NPSR1: variants seen among roughly 807,000 people sequenced by gnomAD.
The protein encoded by NPSR1 is neuropeptide S receptor.
NPSR1 carries 48 observed loss-of-function variants against 46.9 expected under a neutral mutation model. That is an observed-to-expected ratio of 1.02 (90% CI 0.81 to 1.30). The LOEUF is 1.30. NPSR1 is among the 50% of genes most tolerant of loss of function. The pLI is 0.00. For missense variants in NPSR1, 450 were observed against 449.5 expected (o/e 1.00, Z -0.01); for synonymous variants, 176 against 168.1 (o/e 1.05, Z -0.36).
At chr7:34,850,297 G>A (rs1790893811), downstream of NPSR1, among the ~76,000 whole-genome samples, 1 of 152,140 alleles carries the variant, frequency 6.6e-6, no homozygotes, top group African/African-American at 2.4e-5. Flanking sequence ...TGAAATGAAG[G>A]GATACTGGTT....
At chr7:34,743,631 G>A (rs1332103728) in intron 2 of NPSR1, among the ~76,000 whole-genome samples, 1 of 151,924 alleles carries the variant, frequency 6.6e-6, no homozygotes, top group African/African-American at 2.4e-5. Flanking sequence ...GTACAGACGG[G>A]GTTTAACCAT....
intron 2 of NPSR1, chr7:34,710,977 G>T: frequency 2.8e-6 from 1 of 354,988 alleles, no homozygotes; most frequent in East Asian, 7.4e-5. Context: ...TGGCTAGGAT[G>T]GCAAGAAAAG....
At chr7:34,864,840 T>G (rs749386694) in intron 8 of NPSR1, among the ~76,000 whole-genome samples, 26 of 151,974 alleles carry the variant, frequency 1.7e-4, no homozygotes, top group Admixed American at 3.3e-4. Context: ...CTGGAACTGG[T>G]CTTCCCCACT....
chr7:34,694,200 G>A (rs1793402644), intron 2 of NPSR1, among the ~76,000 whole-genome samples: 1 of 152,078 alleles, frequency 6.6e-6, no homozygotes, highest in African/African-American at 2.4e-5. Context: ...AGAAAAAAAA[G>A]TCAAATTACC....
At chr7:34,812,444 G>T (rs1043940075) in intron 4 of NPSR1, among the ~76,000 whole-genome samples, 2 of 152,184 alleles carry the variant, frequency 1.3e-5, no homozygotes, top group Admixed American at 1.3e-4. Flanking sequence ...CCTAGGAGAT[G>T]CTGAAGTGGG....
chr7:34,766,234 C>T (rs67897777), intron 2 of NPSR1, among the ~76,000 whole-genome samples: 17,478 of 152,136 alleles, frequency 0.11, 1,158 homozygotes, highest in Middle Eastern at 0.17. Context: ...CAGTCTCTCT[C>T]ATACATTGTT....
Position 34,844,886 on chromosome 7 carries a change from G to C in NPSR1, c.758-10G>C, listed in dbSNP as rs1240735222. ...CACTTCATCTTACTATTCCCCTCTT[G>C]TATCTACAGATGGGAAACTGTGCAG... On this transcript the variant is annotated splice_polypyrimidine_tract_variant and intron_variant, in intron 6 of 8. Transcript: ENST00000360581. The C allele has an allele frequency of 2.6e-6, 4 of 1,542,544 alleles. No homozygotes were observed. The African/African-American group carries it at 4.1e-5, about 16-fold the overall frequency.
At chr7:34,826,043 C>T (rs536600520) in intron 4 of NPSR1, among the ~76,000 whole-genome samples, 111 of 152,154 alleles carry the variant, frequency 7.3e-4, no homozygotes, top group African/African-American at 2.6e-3. Context: ...ATTAAATTGA[C>T]CAATGTTTAC....
At chr7:34,750,278 C>CAGA (rs1785452705) in intron 2 of NPSR1, 2 of 683,046 alleles carry the variant, frequency 2.9e-6, no homozygotes, top group African/African-American at 3.5e-5. Context: ...AGCTGATGCT[C>CAGA]TGAGAATGGG....
chr7:34,823,397 C>CAAAAAAAA (rs1424522495), intron 4 of NPSR1, among the ~76,000 whole-genome samples: 1 of 26,218 alleles, frequency 3.8e-5, no homozygotes, highest in Non-Finnish European at 8.1e-5. Context: ...AAGACTTCAC[C>CAAAAAAAA]AGAAAAAAAA....
chr7:34,755,241 C>T (rs1785767646), intron 2 of NPSR1, among the ~76,000 whole-genome samples: 1 of 152,214 alleles, frequency 6.6e-6, no homozygotes, highest in South Asian at 2.1e-4. Context: ...TTCAATTCCT[C>T]CTCATCCTCA....
chr7:34,777,321 C>T (rs1409989609), intron 2 of NPSR1, among the ~76,000 whole-genome samples: 1 of 152,106 alleles, frequency 6.6e-6, no homozygotes, highest in Admixed American at 6.6e-5. Context: ...GGTGGGGCAT[C>T]AGCTGAGTTT....
intron 3 of NPSR1, among the ~76,000 whole-genome samples, chr7:34,795,710 A>G (rs1788141905): frequency 6.6e-6 from 1 of 152,186 alleles, no homozygotes; most frequent in Non-Finnish European, 1.5e-5. Context: ...AATATGTGCA[A>G]GATCTATACA....
chr7:34,818,309 C>A (rs941897999), intron 4 of NPSR1, among the ~76,000 whole-genome samples: 5 of 152,096 alleles, frequency 3.3e-5, no homozygotes, highest in Non-Finnish European at 7.4e-5. Flanking sequence ...GAGTGAATTC[C>A]CATTCACAAT....
At position 34,688,818 on chromosome 7, in the gene NPSR1, C is replaced by T. The variant is rs115127176; in HGVS notation, c.280+4134C>T. 2.0e-3 allele frequency among the ~76,000 whole-genome samples: 299 copies of T among 152,268 alleles called. 1 individual carries two copies. Among genetic ancestry groups the T allele is most frequent in the African/African-American group, 6.7e-3 (280 of 41,556 alleles). On this transcript the variant is annotated intron_variant, in intron 2 of 8. Transcript: ENST00000360581. ...GCATATTTCCAGGCATTTGACACAC[C>T]TGATTGTCTAAATTAGAAGCATGAC...
intron 1 of NPSR1, among the ~76,000 whole-genome samples, chr7:34,677,486 T>C (rs1792377703): frequency 6.6e-6 from 1 of 152,216 alleles, no homozygotes; most frequent in Admixed American, 6.5e-5. Context: ...TCTCTTCCTC[T>C]TTCCAATTCT....
chr7:34,863,909 T>C (rs561596521), intron 8 of NPSR1, among the ~76,000 whole-genome samples: 3 of 151,842 alleles, frequency 2.0e-5, no homozygotes, highest in Admixed American at 6.5e-5. Context: ...CATTCTACTA[T>C]AAAAACACAT....
At chr7:34,811,719 C>T (rs1788994415) in intron 3 of NPSR1, 51 bp from the exon 4 acceptor site, 2 of 1,272,978 alleles carry the variant, frequency 1.6e-6, no homozygotes, top group Non-Finnish European at 2.3e-6. Flanking sequence ...CCATTATGTG[C>T]CTTCCCTCAC....
At chr7:34,773,036 C>CA (rs1786761646) in intron 2 of NPSR1, among the ~76,000 whole-genome samples, 1 of 152,062 alleles carries the variant, frequency 6.6e-6, no homozygotes. Flanking sequence ...CCAGGACCTC[C>CA]AAGTTGAAGA....
Sources: allele counts gnomAD v4.1 joint callset (sites outside exome capture counted in the v4.1 genomes callset), GRCh38; gene constraint gnomAD v4.1.1; transcripts MANE v1.5; gene names NCBI Gene and HGNC (gene_info 2026-07-23, HGNC 2026-07-21).